The following UBE2K variants were observed in gnomAD, a reference collection of about 807,000 sequenced individuals.
The protein encoded by UBE2K is ubiquitin-conjugating enzyme E2 K.
Under a neutral mutation model 30.0 loss-of-function variants are expected in UBE2K, and 6 were observed. The ratio of observed to expected loss-of-function variants is 0.20; its 90% CI spans 0.11 to 0.39. The LOEUF (loss-of-function observed/expected upper bound fraction) is 0.39, where lower values mean the gene tolerates loss of function less well. UBE2K is among the 10% of genes least tolerant of loss of function. UBE2K has a pLI of 1.00. For missense variants in UBE2K, 61 were observed against 241.6 expected (o/e 0.25, Z 4.96); for synonymous variants, 86 against 83.7 (o/e 1.03, Z -0.15).
At chr4:39,716,805 C>A (rs1292759486) in intron 1 of UBE2K, among the ~76,000 whole-genome samples, 3 of 152,066 alleles carry the variant, frequency 2.0e-5, no homozygotes, top group African/African-American at 4.8e-5. Context: ...CAAGATCAGC[C>A]TGGGCAACAC....
At chr4:39,700,607 A>G (rs985533764) in intron 1 of UBE2K, among the ~76,000 whole-genome samples, 1 of 152,228 alleles carries the variant, frequency 6.6e-6, no homozygotes, top group Non-Finnish European at 1.5e-5. Context: ...CTTGTAGTAT[A>G]GTCCATGTGT....
chr4:39,756,855 G>A (rs1721539359), intron 4 of UBE2K, among the ~76,000 whole-genome samples: 2 of 152,032 alleles, frequency 1.3e-5, no homozygotes, highest in African/African-American at 4.8e-5. Context: ...TACAAGAGAA[G>A]GTATAACAGA....
intron 1 of UBE2K, among the ~76,000 whole-genome samples, chr4:39,721,714 T>C (rs915429592): frequency 6.6e-6 from 1 of 152,138 alleles, no homozygotes; most frequent in Non-Finnish European, 1.5e-5. Context: ...GACAGTACAC[T>C]TGTATCCCCA....
rs533692045 is a variant in UBE2K at position 39,780,486 on chromosome 4, T to C, written c.*2052T>C. ...AGGTCAAGCATTTTACATATATACATACATACATGCTCTTGGAGGCAGCTA... is the reference window on the plus strand; with the variant it reads ...AGGTCAAGCATTTTACATATATACACACATACATGCTCTTGGAGGCAGCTA... On this transcript the variant is annotated 3_prime_UTR_variant, in exon 7 of 7. Coordinates refer to ENST00000261427, the MANE Select transcript of UBE2K (RefSeq NM_005339.5). The C allele has an allele frequency of 1.1e-4, 17 of 152,240 alleles. No individual in the cohort carries two copies. The highest frequency in any genetic ancestry group is 3.4e-4 in the African/African-American group (14 of 41,560). The allele number at this position is 152,240 out of a possible 1,614,324, so 9.4% of individuals were successfully genotyped here.
chr4:39,707,537 C>CTT (rs35461119), intron 1 of UBE2K, among the ~76,000 whole-genome samples: 18 of 139,972 alleles, frequency 1.3e-4, no homozygotes, highest in African/African-American at 3.1e-4. Context: ...AGCTAGGTGC[C>CTT]TTTTTTTTTT....
intron 5 of UBE2K, among the ~76,000 whole-genome samples, chr4:39,776,184 A>G (rs1376457627): frequency 1.3e-5 from 2 of 152,228 alleles, no homozygotes; most frequent in Non-Finnish European, 2.9e-5. Context: ...GAACATTCAT[A>G]TGGTTAACCA....
chr4:39,731,566 C>T (rs920485477), intron 1 of UBE2K, among the ~76,000 whole-genome samples: 7 of 151,988 alleles, frequency 4.6e-5, no homozygotes, highest in Non-Finnish European at 1.0e-4. Flanking sequence ...CCTGTAATCC[C>T]AGCTACTTGG....
intron 1 of UBE2K, among the ~76,000 whole-genome samples, chr4:39,700,235 G>C (rs1053120597): frequency 6.6e-6 from 1 of 152,048 alleles, no homozygotes; most frequent in Admixed American, 6.6e-5. Context: ...AGAAATACTT[G>C]TATTGCTCTC....
At position 39,740,644 on chromosome 4, in the gene UBE2K, C is replaced by T. The variant is rs962766687; in HGVS notation, c.157+3131C>T. On this transcript the variant is annotated intron_variant, in intron 2 of 6. Coordinates refer to ENST00000261427, the MANE Select transcript of UBE2K (RefSeq NM_005339.5). ...TTGGGAGGCTGAGGCGGGCAGATCA[C>T]GAGGTCAGGAGATCGAGACCGTCCT... Among the ~76,000 whole-genome samples the T allele has an allele frequency of 6.0e-5, 9 of 151,150 alleles. 1 individual carries two copies. The South Asian group carries it at 1.7e-3, about 28-fold the overall frequency.
chr4:39,756,316 T>TG (rs1239140183), intron 4 of UBE2K, among the ~76,000 whole-genome samples: 1 of 152,236 alleles, frequency 6.6e-6, no homozygotes, highest in Non-Finnish European at 1.5e-5. Flanking sequence ...CCAAGCTGCA[T>TG]GGTTATGAGC....
intron 1 of UBE2K, among the ~76,000 whole-genome samples, chr4:39,730,272 C>G (rs147207930): frequency 8.5e-4 from 129 of 152,230 alleles, no homozygotes; most frequent in African/African-American, 2.8e-3. Context: ...GCACCCTTGA[C>G]CTCTTGGGCT....
intron 1 of UBE2K, among the ~76,000 whole-genome samples, chr4:39,725,993 T>G (rs1719734674): frequency 6.6e-6 from 1 of 152,086 alleles, no homozygotes; most frequent in African/African-American, 2.4e-5. Context: ...AATAAAACAT[T>G]TATTCTCAGA....
intron 1 of UBE2K, among the ~76,000 whole-genome samples, chr4:39,712,368 A>AT (rs60301036): frequency 9.1e-4 from 49 of 53,620 alleles, no homozygotes; most frequent in Admixed American, 1.5e-3. Context: ...CGCCCGGCCA[A>AT]TTTTTTTTTT....
chr4:39,775,931 A>C (rs1188361513), intron 5 of UBE2K, among the ~76,000 whole-genome samples: 1 of 151,928 alleles, frequency 6.6e-6, no homozygotes, highest in East Asian at 1.9e-4. Flanking sequence ...GTCTTTCTTA[A>C]ATGTAGTTCC....
At chr4:39,718,481 G>A (rs1265808637) in intron 1 of UBE2K, among the ~76,000 whole-genome samples, 1 of 152,254 alleles carries the variant, frequency 6.6e-6, no homozygotes, top group Non-Finnish European at 1.5e-5. Context: ...GGCCACAGGT[G>A]GAGCTGCCCG....
intron 4 of UBE2K, among the ~76,000 whole-genome samples, chr4:39,768,610 G>C (rs1394828113): frequency 6.6e-6 from 1 of 152,102 alleles, no homozygotes; most frequent in Non-Finnish European, 1.5e-5. Context: ...TCAAACCCCT[G>C]GGTTCAAGCG....
At chr4:39,722,331 C>G (rs966297765) in intron 1 of UBE2K, among the ~76,000 whole-genome samples, 1 of 152,018 alleles carries the variant, frequency 6.6e-6, no homozygotes. Flanking sequence ...AAGAAGATCC[C>G]AAGTGATGTT....
intron 1 of UBE2K, among the ~76,000 whole-genome samples, chr4:39,706,673 G>A (rs1718385246): frequency 6.6e-6 from 1 of 150,640 alleles, no homozygotes; most frequent in Non-Finnish European, 1.5e-5. Flanking sequence ...GTTTTATGAT[G>A]TTGGCCAGGC....
chr4:39,707,570 G>A (rs1578416169), intron 1 of UBE2K, among the ~76,000 whole-genome samples: 1 of 148,822 alleles, frequency 6.7e-6, no homozygotes, highest in East Asian at 2.0e-4. Flanking sequence ...GTCTCACTCT[G>A]TCGCCCAGGG....
Sources: gnomAD v4.1 joint callset for allele counts (sites outside exome capture counted in the v4.1 genomes callset) on GRCh38, gnomAD v4.1.1 for gene constraint, MANE v1.5 for transcripts, NCBI Gene and HGNC (gene_info 2026-07-23, HGNC 2026-07-21) for gene names.